The following GRM7 variants were observed in gnomAD, a reference collection of about 807,000 sequenced individuals.
GRM7 encodes the protein metabotropic glutamate receptor 7.
A neutral mutation model predicts 84.5 loss-of-function variants in GRM7; 35 were observed. The observed-to-expected ratio is 0.41, with a 90% CI of 0.32 to 0.55. GRM7 has a LOEUF of 0.55. Among genes scored for constraint, GRM7 ranks in the 20% least tolerant of loss-of-function variants. GRM7 has a pLI of 0.19. For missense variants in GRM7, 1,003 were observed against 1,194.6 expected, an observed-to-expected ratio of 0.84 and a Z score of 2.36; for synonymous variants, 487 against 455.1, an observed-to-expected ratio of 1.07 and a Z score of -0.89.
chr3:7,597,010 G>A (rs1035066996), intron 8 of GRM7, among the ~76,000 whole-genome samples: 5 of 152,140 alleles, frequency 3.3e-5, no homozygotes, highest in Admixed American at 6.5e-5. Flanking sequence ...GTTTGGTTTT[G>A]TGACATTTTC....
chr3:7,249,501 A>G (rs1697898532), intron 2 of GRM7, among the ~76,000 whole-genome samples: 1 of 152,232 alleles, frequency 6.6e-6, no homozygotes, highest in African/African-American at 2.4e-5. Flanking sequence ...TTGAATGCTT[A>G]TATTAAAAAC....
chr3:7,058,435 T>C (rs1697308596), intron 1 of GRM7, among the ~76,000 whole-genome samples: 1 of 151,932 alleles, frequency 6.6e-6, no homozygotes, highest in African/African-American at 2.4e-5. Flanking sequence ...TCAATTTTTT[T>C]CTACAGAGAG....
intron 4 of GRM7, among the ~76,000 whole-genome samples, chr3:7,331,759 C>T (rs545342478): frequency 1.4e-4 from 21 of 152,246 alleles, no homozygotes; most frequent in South Asian, 6.2e-4. Flanking sequence ...CTCTTTTCTG[C>T]GGAGCCTCAA....
chr3:7,464,721 G>A (rs779717), intron 7 of GRM7, among the ~76,000 whole-genome samples: 34,873 of 151,580 alleles, frequency 0.23, 4,222 homozygotes, highest in Admixed American at 0.32. Flanking sequence ...CCAGCTACTC[G>A]GGAGGCTGAG....
chr3:7,202,119 A>G (rs1051277829), intron 2 of GRM7, among the ~76,000 whole-genome samples: 2 of 152,056 alleles, frequency 1.3e-5, no homozygotes, highest in Admixed American at 6.6e-5. Context: ...AAAAAAGTCT[A>G]TAGTCATCTT....
intron 8 of GRM7, among the ~76,000 whole-genome samples, chr3:7,626,596 G>C (rs982331284): frequency 4.6e-5 from 7 of 152,144 alleles, no homozygotes; most frequent in African/African-American, 1.7e-4. Flanking sequence ...AGCAATGCTT[G>C]GTGTTTCTTA....
chr3:7,741,386 A>G lies in GRM7; in HGVS notation c.*980A>G, dbSNP rs1575689511. 1 of 152,582 alleles carries G rather than the reference A, an allele frequency of 6.6e-6. No individual in the cohort carries two copies. The highest frequency in any genetic ancestry group is 2.1e-4 in the South Asian group (1 of 4,820). 9.5% of individuals were successfully genotyped at this position (152,582 alleles called of 1,614,324 possible). Reference sequence around the variant, plus strand: ...AGCATGTATGTTTTTTACTGTTTGTAATAAGTACTTTCGTTAATCTTGCTG... The same window carrying G: ...AGCATGTATGTTTTTTACTGTTTGTGATAAGTACTTTCGTTAATCTTGCTG... On this transcript the variant is annotated 3_prime_UTR_variant, in exon 10 of 10. Coordinates refer to ENST00000357716, the MANE Select transcript of GRM7 (RefSeq NM_000844.4).
At chr3:7,163,722 A>T (rs1469118423) in intron 2 of GRM7, among the ~76,000 whole-genome samples, 1 of 152,210 alleles carries the variant, frequency 6.6e-6, no homozygotes, top group Non-Finnish European at 1.5e-5. Context: ...CTATGTGAAG[A>T]ACTGGGAGAA....
chr3:7,552,389 G>A (rs752173084), intron 7 of GRM7, among the ~76,000 whole-genome samples: 2 of 152,214 alleles, frequency 1.3e-5, no homozygotes, highest in Non-Finnish European at 2.9e-5. Context: ...CTGGGCTCTG[G>A]AAGACAGCGA....
chr3:7,560,435 C>T (rs1163239784), intron 7 of GRM7: 1 of 152,022 alleles, frequency 6.6e-6, no homozygotes, highest in Non-Finnish European at 1.5e-5. Context: ...CACTCTCACG[C>T]AGAGTGTTTT....
At chr3:7,068,922 C>G (rs1297078733) in intron 1 of GRM7, among the ~76,000 whole-genome samples, 4 of 151,844 alleles carry the variant, frequency 2.6e-5, no homozygotes, top group Non-Finnish European at 5.9e-5. Flanking sequence ...TTTTATGTAA[C>G]TATTTCTTTA....
At chr3:7,423,534 G>C (rs1286186668) in intron 5 of GRM7, among the ~76,000 whole-genome samples, 1 of 152,168 alleles carries the variant, frequency 6.6e-6, no homozygotes, top group African/African-American at 2.4e-5. Context: ...AGTCATTTTA[G>C]TAGGTAGAAG....
At chr3:7,022,952 T>C (rs1695834480) in intron 1 of GRM7, among the ~76,000 whole-genome samples, 2 of 152,072 alleles carry the variant, frequency 1.3e-5, no homozygotes, top group Admixed American at 1.3e-4. Flanking sequence ...AGAAGGAAGC[T>C]TATATACCCT....
chr3:7,091,162 G>T (rs936753259), intron 1 of GRM7, among the ~76,000 whole-genome samples: 2 of 151,468 alleles, frequency 1.3e-5, no homozygotes, highest in East Asian at 1.9e-4. Flanking sequence ...GTATTTTATA[G>T]GTTAATAGGT....
At chr3:7,503,639 G>A (rs1181555804) in intron 7 of GRM7, among the ~76,000 whole-genome samples, 1 of 152,112 alleles carries the variant, frequency 6.6e-6, no homozygotes, top group Non-Finnish European at 1.5e-5. Flanking sequence ...TGCTAATGTG[G>A]TGTATGATAG....
intron 2 of GRM7, among the ~76,000 whole-genome samples, chr3:7,177,580 G>A (rs989957712): frequency 2.0e-5 from 3 of 150,782 alleles, no homozygotes; most frequent in Non-Finnish European, 3.0e-5. Context: ...GAAGGCGGGC[G>A]ACAGAGTGAC....
chr3:7,358,736 A>G (rs550217797), intron 4 of GRM7, among the ~76,000 whole-genome samples: 16 of 125,034 alleles, frequency 1.3e-4, no homozygotes, highest in South Asian at 6.7e-4. Context: ...TTGAATACAT[A>G]TTATTTTTTA....
intron 2 of GRM7, among the ~76,000 whole-genome samples, chr3:7,167,218 C>A (rs1436081440): frequency 3.3e-5 from 5 of 152,192 alleles, no homozygotes; most frequent in African/African-American, 1.2e-4. Flanking sequence ...ATAAGAAGCA[C>A]CATCTCTAAT....
At chr3:7,149,377 G>C (rs551531153) in intron 2 of GRM7, among the ~76,000 whole-genome samples, 12 of 152,164 alleles carry the variant, frequency 7.9e-5, no homozygotes, top group South Asian at 2.1e-4. Context: ...CCTCTAAAAA[G>C]AATCCATCTC....
Sources: gnomAD v4.1 joint callset for allele counts (sites outside exome capture counted in the v4.1 genomes callset) on GRCh38, gnomAD v4.1.1 for gene constraint, MANE v1.5 for transcripts, NCBI Gene and HGNC (gene_info 2026-07-23, HGNC 2026-07-21) for gene names.